The following ATXN7 variants were observed in gnomAD, a reference collection of about 807,000 sequenced individuals.
ATXN7 encodes the protein ataxin 7.
ATXN7 carries 12 observed loss-of-function variants against 70.5 expected under a neutral mutation model. The ratio of observed to expected loss-of-function variants is 0.17; its 90% CI spans 0.11 to 0.28. The LOEUF is 0.28. Among genes scored for constraint, ATXN7 ranks in the 10% least tolerant of loss-of-function variants. The probability of loss-of-function intolerance (pLI) is 1.00; values close to 1 mark genes in which losing one functional copy is unlikely to be tolerated. For missense variants in ATXN7, 1,256 were observed against 1,131.7 expected (o/e 1.11, Z -1.58); for synonymous variants, 498 against 448.7 (o/e 1.11, Z -1.39).
rs570630108 is a variant in ATXN7, at chr3:63,867,140, G to C, written c.-111+2982G>C. 5.3e-4 allele frequency: 80 copies of C among 152,156 alleles called. 1 individual carries two copies. Among genetic ancestry groups the C allele is most frequent in the African/African-American group, 1.8e-3 (75 of 41,498 alleles). 9.4% of individuals were successfully genotyped at this position (152,156 alleles called of 1,614,324 possible). Reference sequence around the variant, plus strand: ...CTTTTAGAGCAAGAGTTATCCTGGGGGTCTGTGACCCTCCAAGGGTTGGTT... The same window carrying C: ...CTTTTAGAGCAAGAGTTATCCTGGGCGTCTGTGACCCTCCAAGGGTTGGTT... On this transcript the variant is annotated intron_variant, in intron 1 of 12. Transcript: ENST00000674280.
intron 1 of ATXN7, among the ~76,000 whole-genome samples, chr3:63,879,749 G>C (rs1283552987): frequency 6.6e-6 from 1 of 151,964 alleles, no homozygotes; most frequent in East Asian, 1.9e-4. Context: ...AAGGCAGAGT[G>C]AATTAGCAAA....
intron 1 of ATXN7, among the ~76,000 whole-genome samples, chr3:63,882,045 A>T (rs1243158217): frequency 6.6e-6 from 1 of 152,200 alleles, no homozygotes; most frequent in Admixed American, 6.5e-5. Context: ...ATTTTAACTA[A>T]TAATTTCATT....
chr3:63,863,735 G>C (rs1012316424), upstream of ATXN7: 1 of 1,249,210 alleles, frequency 8.0e-7, no homozygotes, highest in South Asian at 3.7e-5. Context: ...CCAGCGGGCC[G>C]TGCAGCGGGC....
At chr3:63,960,856 G>C (rs1248445493) in intron 5 of ATXN7, among the ~76,000 whole-genome samples, 1 of 150,964 alleles carries the variant, frequency 6.6e-6, no homozygotes, top group Non-Finnish European at 1.5e-5. Context: ...GGGGTGGGGG[G>C]TCATTTTTTC....
chr3:63,912,428 G>A (rs1313452606), intron 2 of ATXN7, among the ~76,000 whole-genome samples, 160 bp from the exon 3 acceptor site: 1 of 151,430 alleles, frequency 6.6e-6, no homozygotes, highest in East Asian at 2.0e-4. Context: ...GGCGGGGGGT[G>A]GCCTTGAGGA....
rs138001003 is a variant in ATXN7 at position 63,922,233 on chromosome 3, G to T, written c.394+9008G>T. Among the ~76,000 whole-genome samples the T allele has an allele frequency of 6.8e-3, 1,035 of 151,964 alleles. 14 individuals are homozygous for T. The highest frequency in any genetic ancestry group is 0.021 in the African/African-American group (889 of 41,434). ...TTTTGTATTTTGTTTGTAGAGACGGGGTTTCACCATGTTGCCCAGGCTGGT... is the reference window on the plus strand; with the variant it reads ...TTTTGTATTTTGTTTGTAGAGACGGTGTTTCACCATGTTGCCCAGGCTGGT... On this transcript the variant is annotated intron_variant, in intron 4 of 12. Coordinates refer to ENST00000674280, the MANE Select transcript of ATXN7 (RefSeq NM_001377405.1).
intron 5 of ATXN7, among the ~76,000 whole-genome samples, chr3:63,965,249 C>G (rs1221791976): frequency 6.6e-6 from 1 of 152,156 alleles, no homozygotes; most frequent in Non-Finnish European, 1.5e-5. Flanking sequence ...CGTTGCATTA[C>G]CTGCATTATC....
intron 5 of ATXN7, among the ~76,000 whole-genome samples, chr3:63,972,815 C>T (rs1202665125): frequency 1.3e-5 from 2 of 152,214 alleles, no homozygotes; most frequent in African/African-American, 2.4e-5. Context: ...CCTTATCACA[C>T]TGGAGAAGAT....
rs2075815955 is a variant in ATXN7, at chr3:63,999,862, CTCCT to C, written c.*401_*404del. 6.7e-6 allele frequency: 2 copies of C among 298,334 alleles called. No homozygotes were observed. Among genetic ancestry groups the C allele is most frequent in the South Asian group, 5.4e-5 (1 of 18,504 alleles). The allele number at this position is 298,334 out of a possible 1,614,324, so 18.5% of individuals were successfully genotyped here. A position where few individuals can be genotyped will look rare whatever the true frequency, so the allele number is the denominator to read the frequency against. On this transcript the variant is annotated 3_prime_UTR_variant, in exon 13 of 13. Coordinates refer to ENST00000674280, the MANE Select transcript of ATXN7 (RefSeq NM_001377405.1). ...AGAGCGTTACTGTAGACCTTTCTCC[CTCCT>C]TCCTTTTACTACCATTTTTTTTTAA...
At chr3:63,887,754 T>G (rs1475685005) in intron 1 of ATXN7, among the ~76,000 whole-genome samples, 2 of 151,946 alleles carry the variant, frequency 1.3e-5, no homozygotes, top group African/African-American at 4.8e-5. Context: ...CCCAGCTAAT[T>G]TTTGTATTTT....
intron 1 of ATXN7, among the ~76,000 whole-genome samples, chr3:63,875,052 A>G (rs1449858221): frequency 2.0e-5 from 3 of 152,112 alleles, no homozygotes; most frequent in Non-Finnish European, 2.9e-5. Flanking sequence ...CTCATGACCT[A>G]ATCACCCTGC....
At chr3:63,874,552 G>A (rs1336352382) in intron 1 of ATXN7, among the ~76,000 whole-genome samples, 1 of 152,190 alleles carries the variant, frequency 6.6e-6, no homozygotes, top group Non-Finnish European at 1.5e-5. Flanking sequence ...CAGGGAAGAG[G>A]AGATATTTTC....
chr3:63,922,536 T>C (rs889736646), intron 4 of ATXN7, among the ~76,000 whole-genome samples: 6 of 152,180 alleles, frequency 3.9e-5, no homozygotes, highest in Admixed American at 2.6e-4. Flanking sequence ...CTGCTGCTTG[T>C]AATGTTTTTC....
intron 5 of ATXN7, among the ~76,000 whole-genome samples, chr3:63,975,098 A>C (rs985723242): frequency 8.5e-5 from 13 of 152,210 alleles, no homozygotes; most frequent in African/African-American, 2.9e-4. Flanking sequence ...CAAAATTTCA[A>C]CATGTTCGAA....
intron 4 of ATXN7, among the ~76,000 whole-genome samples, chr3:63,951,065 A>G (rs933661075): frequency 3.9e-5 from 6 of 152,146 alleles, no homozygotes; most frequent in African/African-American, 1.4e-4. Context: ...GGGGGATATA[A>G]TGATGTCTAC....
intron 11 of ATXN7, among the ~76,000 whole-genome samples, chr3:63,993,025 G>C (rs912325675): frequency 2.0e-5 from 3 of 152,142 alleles, no homozygotes; most frequent in Non-Finnish European, 4.4e-5. Context: ...TTCCTTACAG[G>C]GTTATTGTGG....
At chr3:63,998,392 A>T in intron 12 of ATXN7, 1 of 985,238 alleles carries the variant, frequency 1.0e-6, no homozygotes, top group Non-Finnish European at 1.2e-6. Flanking sequence ...GTATACACAC[A>T]CACTTTTTTT....
chr3:63,922,724 C>T (rs1228338530), intron 4 of ATXN7, among the ~76,000 whole-genome samples: 3 of 152,000 alleles, frequency 2.0e-5, no homozygotes, highest in African/African-American at 4.8e-5. Flanking sequence ...ATTGCCTTTT[C>T]AGTTCTTGGA....
At chr3:63,917,996 G>A (rs1704351995) in intron 4 of ATXN7, among the ~76,000 whole-genome samples, 1 of 152,126 alleles carries the variant, frequency 6.6e-6, no homozygotes, top group African/African-American at 2.4e-5. Context: ...TCCAGAAAGG[G>A]TACAGACAGG....
Sources: allele counts gnomAD v4.1 joint callset (sites outside exome capture counted in the v4.1 genomes callset), GRCh38; gene constraint gnomAD v4.1.1; transcripts MANE v1.5; gene names NCBI Gene and HGNC (gene_info 2026-07-23, HGNC 2026-07-21).